The following MGA variants were observed in gnomAD, a reference collection of about 807,000 sequenced individuals.
MGA encodes MAX gene-associated protein.
MGA carries 40 observed loss-of-function variants against 261.1 expected under a neutral mutation model. The observed-to-expected ratio is 0.15, with a 90% CI of 0.12 to 0.20. The LOEUF (loss-of-function observed/expected upper bound fraction) is 0.20, where lower values mean the gene tolerates loss of function less well. Ranked by LOEUF, MGA falls within the 10% of genes least tolerant of loss-of-function variation. MGA has a pLI of 1.00. For synonymous variants in MGA, 1,302 were observed against 1,290.6 expected (o/e 1.01, Z -0.19); for missense variants, 3,397 against 3,630.5 (o/e 0.94, Z 1.65).
At position 41,766,473 on chromosome 15, in the gene MGA, A is replaced by G; in HGVS notation, c.8391A>G (p.Ser2797=). 1.2e-6 allele frequency: 2 copies of G among 1,614,028 alleles called. No individual in the cohort carries two copies. Among genetic ancestry groups the G allele is most frequent in the Non-Finnish European group, 1.7e-6 (2 of 1,179,900 alleles). Residue 2797 remains serine, a synonymous_variant, in exon 24 of 24, where the codon TCA becomes TCG. Coordinates refer to ENST00000219905, the MANE Select transcript of MGA (RefSeq NM_001164273.2). ...AGATGGAACTGAGGAAAGTAACATC[A>G]GCTATAGAGGAAGCAGCTCTTGATT...
chr15:41,672,858 A>G (rs1004169192), intron 2 of MGA, among the ~76,000 whole-genome samples: 1 of 118,238 alleles, frequency 8.5e-6, no homozygotes, highest in African/African-American at 3.0e-5. Context: ...TTATATACAC[A>G]TGCGTGTGCA....
At chr15:41,742,166 T>A (rs574589248) in intron 14 of MGA, among the ~76,000 whole-genome samples, 3 of 151,296 alleles carry the variant, frequency 2.0e-5, no homozygotes, top group African/African-American at 7.3e-5. Context: ...GGCAGGCAGA[T>A]CACCTGATGT....
intron 5 of MGA, among the ~76,000 whole-genome samples, chr15:41,699,529 C>T (rs904268493): frequency 5.3e-5 from 8 of 152,116 alleles, no homozygotes; most frequent in South Asian, 4.1e-4. Flanking sequence ...GACGGAGTTT[C>T]GCTCTGTCGC....
At chr15:41,729,420 T>C (rs2061397114) in intron 11 of MGA, 71 bp downstream of exon 11, 1 of 1,398,428 alleles carries the variant, frequency 7.2e-7, no homozygotes, top group African/African-American at 1.4e-5. Context: ...TTTGTATTAC[T>C]ATCAGAATAA....
intron 14 of MGA, among the ~76,000 whole-genome samples, chr15:41,741,583 CAA>C (rs1349319383): frequency 6.6e-6 from 1 of 152,080 alleles, no homozygotes; most frequent in African/African-American, 2.4e-5. Flanking sequence ...TTGGGGGAAA[CAA>C]ACCCTCTCAT....
intron 2 of MGA, among the ~76,000 whole-genome samples, chr15:41,694,094 A>G (rs1389840955): frequency 6.6e-6 from 1 of 152,016 alleles, no homozygotes; most frequent in Non-Finnish European, 1.5e-5. Flanking sequence ...ATTTCACACT[A>G]TTAATGGAAA....
intron 22 of MGA, among the ~76,000 whole-genome samples, chr15:41,763,021 C>T (rs2063571527): frequency 6.6e-6 from 1 of 150,824 alleles, no homozygotes; most frequent in African/African-American, 2.4e-5. Context: ...TTGGGTCTAG[C>T]TGAGACCAAT....
chr15:41,637,691 T>C (rs2056737820), intron 1 of MGA, among the ~76,000 whole-genome samples: 1 of 152,142 alleles, frequency 6.6e-6, no homozygotes. Flanking sequence ...GGCTTGTGGA[T>C]ATATGCTAGA....
chr15:41,700,279 C>A (rs892639287), intron 5 of MGA, among the ~76,000 whole-genome samples: 2 of 152,062 alleles, frequency 1.3e-5, no homozygotes, highest in African/African-American at 4.8e-5. Flanking sequence ...ATCTCCTGAC[C>A]TCATGATCTG....
chr15:41,690,118 A>G (rs141468390), intron 2 of MGA, among the ~76,000 whole-genome samples: 24 of 152,112 alleles, frequency 1.6e-4, no homozygotes, highest in African/African-American at 5.5e-4. Context: ...GCTCCACCCA[A>G]TCCAACACAA....
chr15:41,656,377 T>TCTCTCTCTCTCTCA (rs1555403733), upstream of MGA, among the ~76,000 whole-genome samples: 1,161 of 67,708 alleles, frequency 0.017, 49 homozygotes, highest in East Asian at 0.056. Context: ...TCTCTCTCTC[T>TCTCTCTCTCTCTCA]CACACCCAGG....
chr15:41,673,426 C>G (rs760043104), intron 2 of MGA, among the ~76,000 whole-genome samples: 4 of 151,388 alleles, frequency 2.6e-5, no homozygotes, highest in Non-Finnish European at 4.4e-5. Flanking sequence ...CCATGTTGGC[C>G]AGGCTGGTCT....
chr15:41,631,882 A>G (rs1274616219), intron 1 of MGA, among the ~76,000 whole-genome samples: 3 of 152,074 alleles, frequency 2.0e-5, no homozygotes, highest in Non-Finnish European at 2.9e-5. Context: ...ATATGCTTCT[A>G]TGTTTCTTTT....
chr15:41,763,509 T>C (rs956294636), intron 22 of MGA, among the ~76,000 whole-genome samples: 1 of 151,762 alleles, frequency 6.6e-6, no homozygotes, highest in Non-Finnish European at 1.5e-5. Flanking sequence ...TTTGGGAGGC[T>C]GAGGCGGGCA....
Position 41,767,551 on chromosome 15 carries a change from C to T in MGA, c.*271C>T. ...GTGATCCATTACTGAACATGAGGTG[C>T]CCCTCTTACCCAAGGAATTTATAAC... On this transcript the variant is annotated 3_prime_UTR_variant, in exon 24 of 24. Transcript: ENST00000219905. 2.4e-6 allele frequency: 1 copy of T among 419,840 alleles called. No homozygotes were observed. The highest frequency in any genetic ancestry group is 4.3e-6 in the Non-Finnish European group (1 of 234,192). 26.0% of individuals were successfully genotyped at this position (419,840 alleles called of 1,614,324 possible). A position where few individuals can be genotyped will look rare whatever the true frequency, so the allele number is the denominator to read the frequency against.
chr15:41,739,381 G>A (rs1410431834), intron 13 of MGA, among the ~76,000 whole-genome samples: 1 of 152,158 alleles, frequency 6.6e-6, no homozygotes, highest in East Asian at 1.9e-4. Context: ...AAACTGTGAG[G>A]TAATTGTGGC....
intron 1 of MGA, among the ~76,000 whole-genome samples, chr15:41,668,525 TTAA>T (rs1308637131): frequency 6.6e-6 from 1 of 152,052 alleles, no homozygotes; most frequent in Non-Finnish European, 1.5e-5. Context: ...GTATACTTTT[TTAA>T]TAATGAATAT....
chr15:41,708,183 T>C lies in MGA; in HGVS notation c.2400T>C (p.His800=). The change falls in exon 7 of 24, where the codon CAT becomes CAC. Residue 800 remains histidine, a synonymous_variant. Transcript: ENST00000219905. ...TCAAGGGATGGAGGGGAAAATTTCA[T>C]AGTGCTTCTGCATCTAGGAATGAAG... 6.3e-7 allele frequency: 1 copy of C among 1,597,904 alleles called. No individual in the cohort carries two copies. Among genetic ancestry groups the C allele is most frequent in the Non-Finnish European group, 8.5e-7 (1 of 1,171,446 alleles).
chr15:41,671,112 C>G (rs1314912909), intron 2 of MGA, among the ~76,000 whole-genome samples: 1 of 152,108 alleles, frequency 6.6e-6, no homozygotes, highest in Non-Finnish European at 1.5e-5. Flanking sequence ...GGCACCAGTC[C>G]TCCTCAGATA....
Sources: gnomAD v4.1 joint callset for allele counts (sites outside exome capture counted in the v4.1 genomes callset) on GRCh38, gnomAD v4.1.1 for gene constraint, MANE v1.5 for transcripts, NCBI Gene and HGNC (gene_info 2026-07-23, HGNC 2026-07-21) for gene names.